Variants in NCALD observed in about 807,000 individuals in gnomAD.
NCALD encodes the protein neurocalcin-delta.
Under a neutral mutation model 18.6 loss-of-function variants are expected in NCALD, and 10 were observed. That is an observed-to-expected ratio of 0.54 (90% confidence interval 0.33 to 0.91). The LOEUF (loss-of-function observed/expected upper bound fraction) is 0.91. Ranked by LOEUF, NCALD falls within the 40% of genes least tolerant of loss-of-function variation. The probability of loss-of-function intolerance (pLI) is 0.03; values close to 1 mark genes in which losing one functional copy is unlikely to be tolerated. For missense variants in NCALD, 184 were observed against 247.6 expected, an observed-to-expected ratio of 0.74 and a Z score of 1.72; for synonymous variants, 88 against 87.4, an observed-to-expected ratio of 1.01 and a Z score of -0.04.
chr8:101,923,135 G>A (rs1232236747), intron 2 of NCALD, among the ~76,000 whole-genome samples: 2 of 152,166 alleles, frequency 1.3e-5, no homozygotes, highest in Non-Finnish European at 2.9e-5. Context: ...TTCACCAAGT[G>A]AGGACACAAG....
intron 1 of NCALD, among the ~76,000 whole-genome samples, chr8:102,029,366 C>T (rs748790379): frequency 2.6e-5 from 4 of 152,128 alleles, no homozygotes; most frequent in Non-Finnish European, 5.9e-5. Flanking sequence ...CCTTGAATGT[C>T]AGGCAAAAGA....
intron 4 of NCALD, among the ~76,000 whole-genome samples, chr8:101,880,680 G>A (rs1816457117): frequency 1.3e-5 from 2 of 152,168 alleles, no homozygotes; most frequent in Admixed American, 6.5e-5. Context: ...GTGCTTCAAA[G>A]CATTATACAA....
intron 2 of NCALD, 76 bp downstream of exon 2, chr8:101,719,176 C>T (rs991678931): frequency 1.3e-6 from 2 of 1,501,646 alleles, no homozygotes; most frequent in African/African-American, 1.4e-5. Flanking sequence ...ACCTCTGCAC[C>T]GTGCTATACT....
At chr8:101,765,363 A>G (rs1311681771) in intron 1 of NCALD, among the ~76,000 whole-genome samples, 1 of 152,168 alleles carries the variant, frequency 6.6e-6, no homozygotes, top group Non-Finnish European at 1.5e-5. Flanking sequence ...TGTTCCAGAG[A>G]GAGAATGCCT....
chr8:101,760,062 C>T (rs1224082984), intron 1 of NCALD, among the ~76,000 whole-genome samples: 1 of 152,140 alleles, frequency 6.6e-6, no homozygotes, highest in African/African-American at 2.4e-5. Flanking sequence ...TGGCTCCAGT[C>T]CCATGAGCCT....
intron 1 of NCALD, among the ~76,000 whole-genome samples, chr8:102,083,983 G>A (rs1278256906): frequency 6.6e-6 from 1 of 152,208 alleles, no homozygotes; most frequent in East Asian, 1.9e-4. Context: ...AATGACAAAA[G>A]TATCCACACC....
chr8:102,038,101 G>T (rs946398129), intron 1 of NCALD, among the ~76,000 whole-genome samples: 2 of 152,060 alleles, frequency 1.3e-5, no homozygotes, highest in African/African-American at 4.8e-5. Flanking sequence ...TTATTACAGG[G>T]TTTTATGCCA....
At chr8:101,936,364 A>C (rs1182258679) in intron 2 of NCALD, among the ~76,000 whole-genome samples, 2 of 152,168 alleles carry the variant, frequency 1.3e-5, no homozygotes, top group South Asian at 4.1e-4. Context: ...CTGAAGGCAT[A>C]TGCAAAGCAG....
intron 4 of NCALD, among the ~76,000 whole-genome samples, chr8:101,883,827 C>T (rs943311385): frequency 6.6e-6 from 1 of 152,166 alleles, no homozygotes; most frequent in Admixed American, 6.5e-5. Context: ...GCCTGTTCCA[C>T]TAGAATTTCA....
chr8:102,035,365 A>G (rs1004164975), intron 1 of NCALD, among the ~76,000 whole-genome samples: 12 of 152,250 alleles, frequency 7.9e-5, no homozygotes, highest in African/African-American at 2.9e-4. Flanking sequence ...TCCCTCTTCC[A>G]AAGTTTAAAT....
chr8:101,816,845 G>A (rs1284857956), intron 4 of NCALD, among the ~76,000 whole-genome samples: 3 of 152,158 alleles, frequency 2.0e-5, no homozygotes, highest in Non-Finnish European at 2.9e-5. Flanking sequence ...TGTAACAAAT[G>A]TGCCACTGTG....
At chr8:101,896,431 T>A (rs1197952623) in intron 3 of NCALD, among the ~76,000 whole-genome samples, 5 of 152,098 alleles carry the variant, frequency 3.3e-5, no homozygotes, top group Non-Finnish European at 7.4e-5. Context: ...AACCTAGGCA[T>A]TGCCATTCAG....
At chr8:102,000,021 T>C (rs538319811) in intron 2 of NCALD, among the ~76,000 whole-genome samples, 39 of 152,280 alleles carry the variant, frequency 2.6e-4, no homozygotes, top group Admixed American at 1.4e-3. Flanking sequence ...TCACTGGGGA[T>C]TGTCGGACAG....
intron 4 of NCALD, among the ~76,000 whole-genome samples, chr8:101,864,593 CTT>C (rs34516996): frequency 2.2e-5 from 3 of 136,850 alleles, no homozygotes; most frequent in African/African-American, 2.7e-5. Flanking sequence ...TCTTTCCTTT[CTT>C]TTTTTTTTTT....
chr8:101,967,797 G>A (rs778893316), intron 2 of NCALD, among the ~76,000 whole-genome samples: 2 of 151,880 alleles, frequency 1.3e-5, no homozygotes, highest in African/African-American at 2.4e-5. Context: ...GTAGGCCTAC[G>A]TTCCCAGCAT....
At chr8:101,887,087 T>G (rs1816703456) in intron 4 of NCALD, 1 of 152,198 alleles carries the variant, frequency 6.6e-6, no homozygotes, top group Admixed American at 6.5e-5. Flanking sequence ...CTTTGCATTT[T>G]GAATCGTAAT....
At chr8:101,852,580 CA>C (rs1815142572) in intron 4 of NCALD, 1 of 152,176 alleles carries the variant, frequency 6.6e-6, no homozygotes. Context: ...ACCAGAAATC[CA>C]GTTACAAGGA....
chr8:101,943,026 T>C (rs1051588432), intron 2 of NCALD, among the ~76,000 whole-genome samples: 1 of 152,116 alleles, frequency 6.6e-6, no homozygotes, highest in Non-Finnish European at 1.5e-5. Flanking sequence ...ACTGGAAAGA[T>C]GAGAATTTTG....
intron 3 of NCALD, among the ~76,000 whole-genome samples, chr8:101,888,853 T>G (rs940790172): frequency 1.3e-5 from 2 of 152,166 alleles, no homozygotes; most frequent in Non-Finnish European, 2.9e-5. Context: ...AACAACCCTG[T>G]CAGCAGTGGG....
Sources: allele counts gnomAD v4.1 joint callset (sites outside exome capture counted in the v4.1 genomes callset), GRCh38; gene constraint gnomAD v4.1.1; transcripts MANE v1.5; gene names NCBI Gene and HGNC (gene_info 2026-07-23, HGNC 2026-07-21).